FBXO34: variants seen among roughly 807,000 people sequenced by gnomAD.
FBXO34 encodes the protein F-box only protein 34.
FBXO34 carries 12 observed loss-of-function variants against 24.5 expected under a neutral mutation model. The ratio of observed to expected loss-of-function variants is 0.49; its 90% CI spans 0.31 to 0.79. FBXO34 has a LOEUF of 0.79. Among genes scored for constraint, FBXO34 ranks in the 30% least tolerant of loss-of-function variants. The pLI, the probability that FBXO34 is intolerant of heterozygous loss-of-function variation, is 0.04. For synonymous variants in FBXO34, 320 were observed against 311.9 expected (o/e 1.03, Z -0.27); for missense variants, 823 against 857.7 (o/e 0.96, Z 0.51).
chr14:55,403,616 A>G, the FBXO34 span, among the ~76,000 whole-genome samples: 1 of 152,330 alleles, frequency 6.6e-6, no homozygotes, highest in African/African-American at 2.4e-5. Context: ...ACAGCTGTAA[A>G]AGGAATAATA....
At chr14:55,424,330 T>G in the FBXO34 span, 24 of 869,790 alleles carry the variant, frequency 2.8e-5, no homozygotes, top group Middle Eastern at 2.2e-4. Context: ...GCCCAGTATA[T>G]TAAAGTGCAT....
At chr14:55,325,050 C>T (rs891101839) in intron 1 of FBXO34, among the ~76,000 whole-genome samples, 16 of 152,186 alleles carry the variant, frequency 1.1e-4, no homozygotes, top group Admixed American at 6.5e-4. Flanking sequence ...CTCCCACAGG[C>T]CCCACCTCCA....
the FBXO34 span, among the ~76,000 whole-genome samples, chr14:55,420,236 A>T: frequency 6.6e-6 from 1 of 152,158 alleles, no homozygotes; most frequent in Non-Finnish European, 1.5e-5. Context: ...ATGCCCGGCT[A>T]ATTTTTGTAA....
At position 55,352,462 on chromosome 14, in the gene FBXO34, G is replaced by A. The variant is rs1884423279; in HGVS notation, c.2072G>A (p.Cys691Tyr). ...GLHDNHWVPA[C>Y]HSFNRAIHKK... The stretch of plus-strand genomic sequence containing the variant: ...CATGACAATCACTGGGTTCCTGCCT[G>A]CCACAGCTTTAATCGGGCAATCCAT... Residue 691 changes from cysteine to tyrosine, a missense_variant, in exon 2 of 2, where the codon TGC becomes TAC. By Grantham distance (194) the Cys-to-Tyr change is radical. Transcript: ENST00000313833. 1 of 1,614,024 alleles carries A rather than the reference G, an allele frequency of 6.2e-7. No individual in the cohort carries two copies. The highest frequency in any genetic ancestry group is 1.3e-5 in the African/African-American group (1 of 75,032).
At chr14:55,420,218 G>A in the FBXO34 span, among the ~76,000 whole-genome samples, 4 of 152,170 alleles carry the variant, frequency 2.6e-5, no homozygotes, top group Non-Finnish European at 4.4e-5. Context: ...TTACAGGCAC[G>A]CACCACAATG....
intron 1 of FBXO34, among the ~76,000 whole-genome samples, chr14:55,281,144 C>T (rs1376288513): frequency 2.0e-5 from 3 of 150,402 alleles, no homozygotes; most frequent in Non-Finnish European, 2.9e-5. Flanking sequence ...GTCCTAGCTG[C>T]TTGGGAGGCT....
chr14:55,426,740 A>G, the FBXO34 span, among the ~76,000 whole-genome samples: 1 of 152,110 alleles, frequency 6.6e-6, no homozygotes, highest in Non-Finnish European at 1.5e-5. Flanking sequence ...AAGAAAAGAA[A>G]AGATGACTGA....
At chr14:55,360,540 A>G (rs1388760197) in intron 3 of FBXO34, among the ~76,000 whole-genome samples, 1 of 152,104 alleles carries the variant, frequency 6.6e-6, no homozygotes, top group East Asian at 1.9e-4. Context: ...AAACCCCTCA[A>G]AGTCATCCAT....
intron 1 of FBXO34, among the ~76,000 whole-genome samples, chr14:55,347,463 C>G (rs1884196219): frequency 6.6e-6 from 1 of 152,188 alleles, no homozygotes; most frequent in Admixed American, 6.5e-5. Context: ...TCAGGGCTCT[C>G]AAACCCAGCA....
At chr14:55,424,250 G>T in the FBXO34 span, 1 of 1,604,764 alleles carries the variant, frequency 6.2e-7, no homozygotes, top group African/African-American at 1.3e-5. Context: ...GTTCAGGCTC[G>T]TAACTGTTAA....
the FBXO34 span, among the ~76,000 whole-genome samples, chr14:55,430,209 G>A: frequency 1.3e-5 from 2 of 152,102 alleles, no homozygotes; most frequent in African/African-American, 2.4e-5. Context: ...CCCCCTCATG[G>A]GTTTGGCCCT....
the FBXO34 span, among the ~76,000 whole-genome samples, chr14:55,412,709 C>G: frequency 2.0e-5 from 3 of 152,192 alleles, no homozygotes; most frequent in African/African-American, 7.2e-5. Flanking sequence ...AGGCTATCTA[C>G]TGATAAACTG....
At chr14:55,334,714 T>C (rs573972790) in intron 1 of FBXO34, among the ~76,000 whole-genome samples, 1 of 152,242 alleles carries the variant, frequency 6.6e-6, no homozygotes, top group East Asian at 1.9e-4. Context: ...AGGCGGAAGC[T>C]CTTCATCAGG....
chr14:55,419,746 C>T, the FBXO34 span, among the ~76,000 whole-genome samples: 1 of 152,190 alleles, frequency 6.6e-6, no homozygotes, highest in South Asian at 2.1e-4. Context: ...TGGCATGATA[C>T]AATGGTTTCA....
the FBXO34 span, among the ~76,000 whole-genome samples, chr14:55,383,018 A>G: frequency 1.1e-4 from 16 of 152,312 alleles, no homozygotes; most frequent in Admixed American, 2.0e-4. Flanking sequence ...TTAATACTCA[A>G]GTCTTTCTGT....
the FBXO34 span, among the ~76,000 whole-genome samples, chr14:55,439,953 T>G: frequency 3.1e-5 from 2 of 64,366 alleles, no homozygotes; most frequent in African/African-American, 6.6e-5. Context: ...AAAAAAAAAT[T>G]AGCCAGGTGT....
At chr14:55,402,849 C>CAAG in the FBXO34 span, among the ~76,000 whole-genome samples, 7,551 of 112,616 alleles carry the variant, frequency 0.067, 313 homozygotes, top group Middle Eastern at 0.12. Flanking sequence ...TTATTTGAAT[C>CAAG]GAGTTCAAGA....
chr14:55,341,611 T>C (rs959151807), intron 1 of FBXO34, among the ~76,000 whole-genome samples: 2 of 152,238 alleles, frequency 1.3e-5, no homozygotes, highest in Non-Finnish European at 2.9e-5. Flanking sequence ...GGAAATTAAA[T>C]TTTCCTGGTA....
downstream of FBXO34, among the ~76,000 whole-genome samples, chr14:55,370,843 G>A (rs752589246): frequency 1.1e-4 from 16 of 152,088 alleles, no homozygotes; most frequent in Admixed American, 2.0e-4. Context: ...GTTTCACCAC[G>A]TTGGCCAGGC....
Sources: allele counts gnomAD v4.1 joint callset (sites outside exome capture counted in the v4.1 genomes callset), GRCh38; gene constraint gnomAD v4.1.1; transcripts MANE v1.5; gene names NCBI Gene and HGNC (gene_info 2026-07-23, HGNC 2026-07-21).